The following ADGRL3 variants were observed in gnomAD, a reference collection of about 807,000 sequenced individuals.
ADGRL3 encodes the protein adhesion G protein-coupled receptor L3.
ADGRL3 carries 62 observed loss-of-function variants against 153.5 expected under a neutral mutation model. The observed-to-expected ratio is 0.40, with a 90% CI of 0.33 to 0.50. The LOEUF is 0.50. ADGRL3 is among the 20% of genes least tolerant of loss of function. The probability of loss-of-function intolerance (pLI) is 0.47; values close to 1 mark genes in which losing one functional copy is unlikely to be tolerated. For synonymous variants in ADGRL3, 710 were observed against 672.5 expected, an observed-to-expected ratio of 1.06 and a Z score of -0.86; for missense variants, 1,641 against 1,859.4, an observed-to-expected ratio of 0.88 and a Z score of 2.16.
chr4:61,528,615 T>A (rs1163625405), intron 4 of ADGRL3, among the ~76,000 whole-genome samples: 1 of 152,128 alleles, frequency 6.6e-6, no homozygotes, highest in Non-Finnish European at 1.5e-5. Context: ...ATTGAAAGGC[T>A]AAGAGACCAA....
chr4:61,917,180 G>A (rs545644021), intron 13 of ADGRL3, among the ~76,000 whole-genome samples: 1 of 152,228 alleles, frequency 6.6e-6, no homozygotes, highest in South Asian at 2.1e-4. Flanking sequence ...TCAAAGCTAA[G>A]TCTTTCTAAT....
chr4:61,655,591 C>T (rs188846113), intron 5 of ADGRL3, among the ~76,000 whole-genome samples: 1 of 152,164 alleles, frequency 6.6e-6, no homozygotes, highest in African/African-American at 2.4e-5. Flanking sequence ...ATGTAAATGT[C>T]CGTCTTTCTT....
chr4:61,869,624 A>G (rs925157121), intron 9 of ADGRL3, among the ~76,000 whole-genome samples: 1 of 151,438 alleles, frequency 6.6e-6, no homozygotes, highest in African/African-American at 2.4e-5. Flanking sequence ...AAAACAAAAC[A>G]AAACAAAAAT....
intron 5 of ADGRL3, among the ~76,000 whole-genome samples, chr4:61,664,869 C>T (rs2094729127): frequency 6.6e-6 from 1 of 152,098 alleles, no homozygotes; most frequent in Admixed American, 6.5e-5. Context: ...CAAACCCATC[C>T]TCTAACCCCC....
chr4:61,728,006 A>C (rs2096378560), intron 6 of ADGRL3, among the ~76,000 whole-genome samples: 1 of 152,100 alleles, frequency 6.6e-6, no homozygotes, highest in Admixed American at 6.6e-5. Flanking sequence ...CAGTGAAGGG[A>C]AGCTTCTAGA....
intron 9 of ADGRL3, among the ~76,000 whole-genome samples, chr4:61,869,761 A>G (rs1268900962): frequency 2.0e-5 from 3 of 151,142 alleles, no homozygotes; most frequent in African/African-American, 7.3e-5. Flanking sequence ...CAACATGGAG[A>G]AACCCCGTCT....
At chr4:61,405,273 T>G (rs2096980253) in intron 2 of ADGRL3, among the ~76,000 whole-genome samples, 1 of 152,048 alleles carries the variant, frequency 6.6e-6, no homozygotes, top group African/African-American at 2.4e-5. Flanking sequence ...TTCTTAGGCT[T>G]TAACATACTT....
chr4:61,628,682 T>C (rs1034290190), intron 5 of ADGRL3, among the ~76,000 whole-genome samples: 6 of 152,182 alleles, frequency 3.9e-5, no homozygotes, highest in Non-Finnish European at 8.8e-5. Context: ...AGATTACTCT[T>C]AGCATTTTTT....
Position 61,948,082 on chromosome 4 carries a change from AT to A in ADGRL3, c.2629-10del, listed in dbSNP as rs200132274. 1.4e-4 allele frequency: 216 copies of A among 1,589,188 alleles called. 2 individuals are homozygous for A. Among genetic ancestry groups the A allele is most frequent in the African/African-American group, 1.3e-3 (95 of 74,192 alleles). On this transcript the variant is annotated splice_polypyrimidine_tract_variant and intron_variant, in intron 16 of 26. Transcript: ENST00000683033. ...CATAAAGTAGTTGTTGATTTTATGG[AT>A]TTTTTTTCCCCTGTAGCAGTCAGAG...
intron 2 of ADGRL3, among the ~76,000 whole-genome samples, chr4:61,385,060 A>G (rs963140256): frequency 6.6e-6 from 1 of 152,172 alleles, no homozygotes; most frequent in Non-Finnish European, 1.5e-5. Context: ...AATTTATGGT[A>G]TATGAATTAT....
intron 1 of ADGRL3, among the ~76,000 whole-genome samples, chr4:61,214,392 A>G (rs1741642633): frequency 6.6e-6 from 1 of 152,238 alleles, no homozygotes; most frequent in Admixed American, 6.5e-5. Context: ...TATCAACTTA[A>G]TAAAACTTTT....
intron 9 of ADGRL3, among the ~76,000 whole-genome samples, chr4:61,862,348 C>A (rs1277325168): frequency 6.6e-6 from 1 of 152,180 alleles, no homozygotes; most frequent in Non-Finnish European, 1.5e-5. Flanking sequence ...AGAGCTGTAA[C>A]TATGACCAGC....
chr4:61,625,246 A>C (rs934298584), intron 5 of ADGRL3, among the ~76,000 whole-genome samples: 2 of 152,042 alleles, frequency 1.3e-5, no homozygotes, highest in Non-Finnish European at 2.9e-5. Context: ...AAACTAGATA[A>C]AGTGTATATG....
At chr4:61,679,788 T>C (rs1347034203) in intron 6 of ADGRL3, among the ~76,000 whole-genome samples, 1 of 152,080 alleles carries the variant, frequency 6.6e-6, no homozygotes, top group Non-Finnish European at 1.5e-5. Flanking sequence ...ATACCTGTTC[T>C]TAAGAACCTA....
At chr4:61,209,273 G>C (rs1363200892) in intron 1 of ADGRL3, among the ~76,000 whole-genome samples, 1 of 152,106 alleles carries the variant, frequency 6.6e-6, no homozygotes, top group Non-Finnish European at 1.5e-5. Context: ...TGGACTGAGA[G>C]TCACTTGAAT....
chr4:61,224,516 A>G (rs1747044934), intron 1 of ADGRL3, among the ~76,000 whole-genome samples: 1 of 152,228 alleles, frequency 6.6e-6, no homozygotes, highest in Non-Finnish European at 1.5e-5. Flanking sequence ...TCTGGAGGAA[A>G]TACAGAAAAG....
chr4:61,630,892 G>A (rs993812539), intron 5 of ADGRL3, among the ~76,000 whole-genome samples: 4 of 152,180 alleles, frequency 2.6e-5, no homozygotes, highest in Non-Finnish European at 5.9e-5. Context: ...TATTATGGTC[G>A]AAATAGGACT....
chr4:61,896,978 G>C (rs2098635320), intron 11 of ADGRL3, among the ~76,000 whole-genome samples: 1 of 152,136 alleles, frequency 6.6e-6, no homozygotes, highest in Admixed American at 6.5e-5. Context: ...AATTCTTCTA[G>C]AAAAGGCTGA....
intron 2 of ADGRL3, among the ~76,000 whole-genome samples, chr4:61,478,560 A>G (rs938414518): frequency 1.7e-4 from 26 of 152,170 alleles, no homozygotes; most frequent in Admixed American, 5.2e-4. Context: ...CAGATGGCCA[A>G]TCACATTTGT....
Sources: gnomAD v4.1 joint callset for allele counts (sites outside exome capture counted in the v4.1 genomes callset) on GRCh38, gnomAD v4.1.1 for gene constraint, MANE v1.5 for transcripts, NCBI Gene and HGNC (gene_info 2026-07-23, HGNC 2026-07-21) for gene names.